The following CNOT1 variants were observed in gnomAD, a reference collection of about 807,000 sequenced individuals.
CNOT1 encodes the protein CCR4-NOT transcription complex subunit 1.
CNOT1 carries 15 observed loss-of-function variants against 273.8 expected under a neutral mutation model. The ratio of observed to expected loss-of-function variants is 0.05; its 90% confidence interval spans 0.04 to 0.08. CNOT1 has a LOEUF of 0.08. Among genes scored for constraint, CNOT1 ranks in the 10% least tolerant of loss-of-function variants. The probability of loss-of-function intolerance (pLI) is 1.00; values close to 1 mark genes in which losing one functional copy is unlikely to be tolerated. For synonymous variants in CNOT1, 1,022 were observed against 1,005.5 expected (o/e 1.02, Z -0.31); for missense variants, 1,644 against 2,912.2 (o/e 0.56, Z 10.02).
intron 43 of CNOT1, among the ~76,000 whole-genome samples, chr16:58,529,600 G>A (rs1007906007): frequency 6.6e-6 from 1 of 152,104 alleles, no homozygotes; most frequent in Non-Finnish European, 1.5e-5. Flanking sequence ...CACTTCAGGA[G>A]GCTGAGGCAG....
chr16:58,620,963 AG>A, intron 1 of CNOT1, among the ~76,000 whole-genome samples: 1 of 152,302 alleles, frequency 6.6e-6, no homozygotes, highest in Middle Eastern at 3.4e-3. Flanking sequence ...AATGGAGATT[AG>A]TTAGAAAGTT....
intron 1 of CNOT1, among the ~76,000 whole-genome samples, chr16:58,626,777 C>T (rs2043603551): frequency 6.6e-6 from 1 of 151,344 alleles, no homozygotes; most frequent in Admixed American, 6.6e-5. Flanking sequence ...AAAAGGCAGA[C>T]TACTATTTTT....
intron 25 of CNOT1, among the ~76,000 whole-genome samples, chr16:58,549,320 C>T (rs1360660564): frequency 2.2e-5 from 3 of 134,404 alleles, no homozygotes; most frequent in East Asian, 2.1e-4. Context: ...AAGGGGGCTA[C>T]AGCAAAGAGC....
intron 1 of CNOT1, among the ~76,000 whole-genome samples, chr16:58,617,424 G>A (rs13335851): frequency 6.6e-6 from 1 of 151,848 alleles, no homozygotes; most frequent in Non-Finnish European, 1.5e-5. Flanking sequence ...AATACAGGCT[G>A]AGCATCCCAA....
Position 58,575,108 on chromosome 16 carries a change from C to T in CNOT1, c.1726G>A (p.Gly576Ser), listed in dbSNP as rs2041412627. 1 of 1,613,772 alleles carries T rather than the reference C, an allele frequency of 6.2e-7. No individual in the cohort carries two copies. The highest frequency in any genetic ancestry group is 8.5e-7 in the Non-Finnish European group (1 of 1,179,948). The change falls in exon 15 of 49, where the codon GGT (glycine) becomes AGT (serine). Residue 576 changes from glycine to serine, a missense_variant. Transcript: ENST00000317147. ...DLKALSMLLN[G>S]TPFAFVIDLA... ...TCAATAACAAAGGCAAATGGAGTAC[C>T]ATTTAGCAGCATTGACAAGGCCTAA...
intron 2 of CNOT1, among the ~76,000 whole-genome samples, chr16:58,594,023 T>A (rs2042158049): frequency 6.6e-6 from 1 of 152,136 alleles, no homozygotes; most frequent in Admixed American, 6.5e-5. Context: ...GGCGGGCAGA[T>A]CACCTGAGGT....
intron 19 of CNOT1, among the ~76,000 whole-genome samples, chr16:58,556,346 A>G (rs1249365353): frequency 6.6e-6 from 1 of 152,264 alleles, no homozygotes; most frequent in Admixed American, 6.5e-5. Flanking sequence ...AACGTTATCA[A>G]GTCAGCTGGA....
intron 1 of CNOT1, among the ~76,000 whole-genome samples, chr16:58,600,364 T>C (rs2042416895): frequency 6.6e-6 from 1 of 152,162 alleles, no homozygotes; most frequent in Admixed American, 6.6e-5. Flanking sequence ...AAGAGTTTCA[T>C]TTTAGTAAGA....
intron 1 of CNOT1, among the ~76,000 whole-genome samples, chr16:58,626,889 T>G (rs934511210): frequency 3.9e-5 from 6 of 152,122 alleles, no homozygotes; most frequent in Non-Finnish European, 7.4e-5. Flanking sequence ...TTGCCCAGGC[T>G]GGTCTCTAAC....
intron 22 of CNOT1, among the ~76,000 whole-genome samples, chr16:58,553,407 T>A (rs1251342360): frequency 6.6e-6 from 1 of 152,190 alleles, no homozygotes; most frequent in Non-Finnish European, 1.5e-5. Flanking sequence ...CTCAAAAATT[T>A]CAGATTTTTA....
Position 58,525,298 on chromosome 16 carries a change from A to C in CNOT1, c.6665T>G (p.Val2222Gly), listed in dbSNP as rs1446473546. ...GATGTGCGCAATGGCCTGAGTCCCG[A>C]CATAGAGCACCAGTGCATTGATGAG... is the stretch of plus-strand genomic sequence containing the variant. ...LQLINALVLY[V>G]GTQAIAHIHN... The change falls in exon 46 of 49, where the codon GTC (valine) becomes GGC (glycine). Residue 2222 changes from valine to glycine, a missense_variant. Coordinates refer to ENST00000317147, the MANE Select transcript of CNOT1 (RefSeq NM_016284.5). The C allele has an allele frequency of 6.2e-7, 1 of 1,613,934 alleles. No homozygotes were observed. The highest frequency in any genetic ancestry group is 8.5e-7 in the Non-Finnish European group (1 of 1,180,050).
intron 1 of CNOT1, among the ~76,000 whole-genome samples, chr16:58,611,751 G>A (rs1456354925): frequency 6.6e-6 from 1 of 150,998 alleles, no homozygotes; most frequent in African/African-American, 2.4e-5. Context: ...AACCCGTGAA[G>A]CAGAGCTTGC....
In CNOT1 at chr16:58,558,650, A is replaced by T; in HGVS notation, c.2155T>A (p.Ser719Thr). Residue 719 changes from serine (S) to threonine (T), a missense_variant, in exon 18 of 49, where the codon TCT becomes ACT. Coordinates refer to ENST00000317147, the MANE Select transcript of CNOT1 (RefSeq NM_016284.5). The stretch of plus-strand genomic sequence containing the variant: ...GCAGCTGAACCACCTATACTAAGAG[A>T]TGTCATTCCAGCAAGAGGGTCAATC... ...VQIDPLAGMTSLSIGGSAAPH... is the reference protein window; with the variant it reads ...VQIDPLAGMTTLSIGGSAAPH... 6.2e-7 allele frequency: 1 copy of T among 1,613,866 alleles called. No homozygotes were observed. The highest frequency in any genetic ancestry group is 8.5e-7 in the Non-Finnish European group (1 of 1,179,934).
intron 1 of CNOT1, among the ~76,000 whole-genome samples, chr16:58,617,125 C>T (rs1227785481): frequency 6.6e-6 from 1 of 152,124 alleles, no homozygotes; most frequent in African/African-American, 2.4e-5. Flanking sequence ...TTTTGGGAGG[C>T]TGAGGCAGGA....
At chr16:58,562,762 G>C (rs1441309962) in intron 16 of CNOT1, among the ~76,000 whole-genome samples, 1 of 152,088 alleles carries the variant, frequency 6.6e-6, no homozygotes, top group East Asian at 1.9e-4. Flanking sequence ...GGCAGAGGAT[G>C]CAATGACCTG....
intron 21 of CNOT1, 66 bp from the exon 22 acceptor site, chr16:58,553,926 T>C: frequency 6.6e-7 from 1 of 1,516,982 alleles, no homozygotes; most frequent in Non-Finnish European, 8.8e-7. Flanking sequence ...AAAATGTTTT[T>C]GTCCAAATGC....
intron 22 of CNOT1, 27 bp downstream of exon 22, chr16:58,553,755 T>C (rs1223653276): frequency 1.2e-6 from 2 of 1,602,596 alleles, no homozygotes. Context: ...CATAGCTATT[T>C]GGGTTTTAGT....
chr16:58,625,290 A>G (rs937178093), intron 1 of CNOT1, among the ~76,000 whole-genome samples: 1 of 152,096 alleles, frequency 6.6e-6, no homozygotes, highest in Non-Finnish European at 1.5e-5. Flanking sequence ...AGGCAGGTGG[A>G]TCACCTGAGG....
chr16:58,610,704 G>A (rs1289249117), intron 1 of CNOT1, among the ~76,000 whole-genome samples: 1 of 152,010 alleles, frequency 6.6e-6, no homozygotes, highest in African/African-American at 2.4e-5. Flanking sequence ...TTACCCAGAC[G>A]TGGTGGCAGG....
Sources: allele counts gnomAD v4.1 joint callset (sites outside exome capture counted in the v4.1 genomes callset), GRCh38; gene constraint gnomAD v4.1.1; transcripts MANE v1.5; gene names NCBI Gene and HGNC (gene_info 2026-07-23, HGNC 2026-07-21).